The following MREG variants were observed in gnomAD, a reference collection of about 807,000 sequenced individuals.
MREG encodes melanoregulin.
A neutral mutation model predicts 28.5 loss-of-function variants in MREG; 31 were observed. The observed-to-expected ratio is 1.09, with a 90% confidence interval of 0.82 to 1.47. The LOEUF (loss-of-function observed/expected upper bound fraction) is 1.47. Among genes scored for constraint, MREG ranks in the 40% most tolerant of loss-of-function variants. MREG has a pLI of 0.00. For missense variants in MREG, 256 were observed against 257.4 expected (o/e 0.99, Z 0.04); for synonymous variants, 106 against 95.2 (o/e 1.11, Z -0.66).
In MREG at chr2:215,982,423, C is replaced by T. The variant is rs80090677; in HGVS notation, c.255+13883G>A. Among the ~76,000 whole-genome samples the T allele has an allele frequency of 2.8e-4, 43 of 151,700 alleles. 1 individual carries two copies. The East Asian group carries it at 8.1e-3, about 29-fold the overall frequency. ...CTTATATATTTTTTAAAAAGGAGAA[C>T]GGGGATGAGCAAAGAATAGAAACAT... On this transcript the variant is annotated intron_variant, in intron 2 of 4. Transcript: ENST00000263268.
chr2:216,000,430 C>T (rs1693987490), intron 1 of MREG, among the ~76,000 whole-genome samples: 1 of 152,146 alleles, frequency 6.6e-6, no homozygotes. Context: ...CCCCAGGATG[C>T]ACTCTCCTTG....
chr2:216,032,640 AC>A (rs1443661061), intron 1 of MREG: 1 of 152,214 alleles, frequency 6.6e-6, no homozygotes, highest in Admixed American at 6.5e-5. Flanking sequence ...ACACTCATGA[AC>A]CACCATAAAC....
chr2:215,960,086 G>T (rs1177515679), intron 2 of MREG, among the ~76,000 whole-genome samples: 2 of 152,074 alleles, frequency 1.3e-5, no homozygotes, highest in African/African-American at 4.8e-5. Flanking sequence ...CTCCCGAGTA[G>T]TTGGGACTAC....
At chr2:215,999,163 A>G (rs1693948100) in intron 1 of MREG, among the ~76,000 whole-genome samples, 1 of 152,234 alleles carries the variant, frequency 6.6e-6, no homozygotes, top group African/African-American at 2.4e-5. Context: ...TGGTGTGCGG[A>G]GCAAGGAAAA....
chr2:215,954,120 A>T (rs1692555051), intron 2 of MREG, among the ~76,000 whole-genome samples: 1 of 152,172 alleles, frequency 6.6e-6, no homozygotes, highest in African/African-American at 2.4e-5. Flanking sequence ...GACTCTCATG[A>T]GATGTTGCTA....
At chr2:216,017,860 T>G (rs1030537799), upstream of MREG, among the ~76,000 whole-genome samples, 10 of 151,986 alleles carry the variant, frequency 6.6e-5, no homozygotes, top group African/African-American at 2.4e-4. Context: ...TTCAAAACAC[T>G]GAAGCTCCGC....
At chr2:216,000,144 C>T (rs1166402151) in intron 1 of MREG, among the ~76,000 whole-genome samples, 7 of 152,220 alleles carry the variant, frequency 4.6e-5, no homozygotes, top group East Asian at 3.8e-4. Flanking sequence ...CCACCCCTCA[C>T]GTTACACAAG....
chr2:215,985,313 T>C (rs374510847), intron 2 of MREG, among the ~76,000 whole-genome samples: 8 of 152,294 alleles, frequency 5.3e-5, no homozygotes, highest in African/African-American at 1.9e-4. Flanking sequence ...AAAATGAACA[T>C]AAGGATAATG....
At chr2:215,976,360 A>G (rs1458217522) in intron 2 of MREG, among the ~76,000 whole-genome samples, 1 of 152,108 alleles carries the variant, frequency 6.6e-6, no homozygotes, top group African/African-American at 2.4e-5. Context: ...TTCACACAAT[A>G]TTACATTATT....
chr2:216,009,529 T>G (rs1166038142), intron 1 of MREG, among the ~76,000 whole-genome samples: 1 of 152,150 alleles, frequency 6.6e-6, no homozygotes, highest in Non-Finnish European at 1.5e-5. Context: ...AGATCCTACA[T>G]GGCAGTAGGC....
chr2:216,026,277 AGAT>A (rs1217630511), intron 1 of MREG, among the ~76,000 whole-genome samples: 7 of 152,238 alleles, frequency 4.6e-5, no homozygotes, highest in Non-Finnish European at 8.8e-5. Context: ...AACTGGACAA[AGAT>A]GATGATTACA....
At position 215,945,559 on chromosome 2, in the gene MREG, G is replaced by A. The variant is rs756739984; in HGVS notation, c.510+12C>T. The A allele has an allele frequency of 2.5e-6, 4 of 1,602,924 alleles. No homozygotes were observed. Among genetic ancestry groups the A allele is most frequent in the Non-Finnish European group, 3.4e-6 (4 of 1,176,216 alleles). On this transcript the variant is annotated intron_variant, in intron 4 of 4. Transcript: ENST00000263268. Reference sequence around the variant, plus strand: ...GCAAAATTAGGGCAAATGAAAAAAAGCATCCACTTACCACAACAAAGAGAT... The same window carrying A: ...GCAAAATTAGGGCAAATGAAAAAAAACATCCACTTACCACAACAAAGAGAT...
intron 2 of MREG, among the ~76,000 whole-genome samples, chr2:215,952,982 C>CCT (rs1372638774): frequency 6.6e-6 from 1 of 152,036 alleles, no homozygotes; most frequent in African/African-American, 2.4e-5. Context: ...TCTCTCTCCC[C>CCT]CTCTCTCTCT....
chr2:216,013,206 A>T, intron 1 of MREG, 27 bp downstream of exon 1: 1 of 1,544,718 alleles, frequency 6.5e-7, no homozygotes, highest in Non-Finnish European at 8.7e-7. Context: ...AGGTAAGCCC[A>T]GATCCCGGCC....
downstream of MREG, among the ~76,000 whole-genome samples, chr2:215,940,523 C>T (rs1227263875): frequency 1.3e-5 from 2 of 152,166 alleles, no homozygotes; most frequent in Non-Finnish European, 2.9e-5. Flanking sequence ...TGCCATTAGT[C>T]GGATAACTCC....
At chr2:215,949,385 C>T (rs1692425098) in intron 2 of MREG, among the ~76,000 whole-genome samples, 2 of 151,204 alleles carry the variant, frequency 1.3e-5, no homozygotes, top group Admixed American at 1.3e-4. Flanking sequence ...TACGGTGAAA[C>T]CCCGTCTCTA....
intron 1 of MREG, among the ~76,000 whole-genome samples, chr2:216,001,401 A>G (rs1694009574): frequency 6.6e-6 from 1 of 152,176 alleles, no homozygotes; most frequent in Admixed American, 6.5e-5. Flanking sequence ...CAGGAAAGAG[A>G]ACCAACCGCT....
intron 2 of MREG, among the ~76,000 whole-genome samples, chr2:215,993,853 C>G (rs1222595329): frequency 1.3e-5 from 2 of 152,198 alleles, no homozygotes; most frequent in Non-Finnish European, 2.9e-5. Context: ...CAAATCAAAA[C>G]TACAATGAGA....
At chr2:215,953,720 T>G (rs114043899) in intron 2 of MREG, among the ~76,000 whole-genome samples, 1,530 of 152,268 alleles carry the variant, frequency 0.01, 31 homozygotes, top group African/African-American at 0.034. Flanking sequence ...TCATCTGAAG[T>G]CAGACCTACT....
Sources: allele counts gnomAD v4.1 joint callset (sites outside exome capture counted in the v4.1 genomes callset), GRCh38; gene constraint gnomAD v4.1.1; transcripts MANE v1.5; gene names NCBI Gene and HGNC (gene_info 2026-07-23, HGNC 2026-07-21).